HTT: variants seen among roughly 807,000 people sequenced by gnomAD.
The protein encoded by HTT is huntingtin, also known as huntington disease protein.
In HTT, 104 loss-of-function variants were observed where a neutral mutation model predicts 362.3. The observed-to-expected ratio is 0.29, with a 90% confidence interval of 0.24 to 0.34. The LOEUF (loss-of-function observed/expected upper bound fraction) is 0.34, where lower values mean the gene tolerates loss of function less well. HTT is among the 10% of genes least tolerant of loss of function. HTT has a pLI of 1.00. For synonymous variants in HTT, 1,577 were observed against 1,548.7 expected (o/e 1.02, Z -0.43); for missense variants, 3,301 against 3,928.6 (o/e 0.84, Z 4.27).
intron 1 of HTT, among the ~76,000 whole-genome samples, chr4:3,080,786 T>G (rs1268325972): frequency 6.6e-6 from 1 of 152,244 alleles, no homozygotes; most frequent in Admixed American, 6.5e-5. Flanking sequence ...CAGGTAGAAG[T>G]CCAACTTTAT....
chr4:3,201,043 A>T (rs1719508056), intron 41 of HTT, among the ~76,000 whole-genome samples: 1 of 152,246 alleles, frequency 6.6e-6, no homozygotes, highest in Admixed American at 6.5e-5. Flanking sequence ...TGCTTAGATG[A>T]TGAGTGTTTA....
Position 3,214,155 on chromosome 4 carries a change from C to T in HTT, c.6952+20C>T, listed in dbSNP as rs368710938. Reference sequence around the variant, plus strand: ...AGGCCGGTGAGTCCCCGTCCATGAACGGTGGGTTCCTATCATAGTTCCTGT... The same window carrying T: ...AGGCCGGTGAGTCCCCGTCCATGAATGGTGGGTTCCTATCATAGTTCCTGT... On this transcript the variant is annotated intron_variant, in intron 50 of 66. Coordinates refer to ENST00000355072, the MANE Select transcript of HTT (RefSeq NM_001388492.1). 29 of 1,448,864 alleles carry T rather than the reference C, an allele frequency of 2.0e-5. No individual in the cohort carries two copies. The highest frequency in any genetic ancestry group is 1.5e-4 in the South Asian group (10 of 67,836). The allele number at this position is 1,448,864 out of a possible 1,614,324, so 89.8% of individuals were successfully genotyped here.
intron 39 of HTT, 93 bp from the exon 40 acceptor site, chr4:3,188,858 T>C (rs1718888093): frequency 7.9e-7 from 1 of 1,260,562 alleles, no homozygotes; most frequent in South Asian, 1.4e-5. Context: ...ATATTTTTAC[T>C]TTATATTTAC....
intron 60 of HTT, among the ~76,000 whole-genome samples, chr4:3,231,506 A>G (rs192914494): frequency 3.0e-4 from 45 of 152,218 alleles, no homozygotes; most frequent in Admixed American, 9.8e-4. Flanking sequence ...AGGTGAGCAC[A>G]TGTCCGTGAC....
chr4:3,087,669 T>C (rs991468637), intron 2 of HTT, among the ~76,000 whole-genome samples: 3 of 152,220 alleles, frequency 2.0e-5, no homozygotes, highest in East Asian at 3.8e-4. Flanking sequence ...ACCTATGATA[T>C]CTGAATTCTG....
chr4:3,094,713 G>GC (rs1713743903), intron 2 of HTT, among the ~76,000 whole-genome samples: 1 of 127,434 alleles, frequency 7.8e-6, no homozygotes, highest in South Asian at 2.3e-4. Context: ...GGCGGGGGCT[G>GC]CCCCCCACCT....
intron 29 of HTT, among the ~76,000 whole-genome samples, chr4:3,167,162 C>T (rs907418061): frequency 1.3e-5 from 2 of 152,222 alleles, no homozygotes; most frequent in Non-Finnish European, 2.9e-5. Context: ...ACCTTTGCCT[C>T]CTGGTTTCAA....
intron 21 of HTT, among the ~76,000 whole-genome samples, chr4:3,137,161 C>T (rs918564569): frequency 1.3e-5 from 2 of 152,032 alleles, no homozygotes; most frequent in Admixed American, 6.6e-5. Flanking sequence ...CTGCATTGGC[C>T]TCCCAAAGTG....
rs754534599 is a variant in HTT at position 3,229,982 on chromosome 4, C to T, written c.8205C>T (p.Asp2735=). Reference sequence around the variant, plus strand: ...TGCGAAGGGTGCACCCTTCAGAAGACGAGATCCTCGCTCAGTACCTGGTGC... The same window carrying T: ...TGCGAAGGGTGCACCCTTCAGAAGATGAGATCCTCGCTCAGTACCTGGTGC... ...TELRRVHPSE[D]EILAQYLVPA... is the part of the protein sequence containing the mutation. The change falls in exon 60 of 67, where the codon GAC becomes GAT. Residue 2735 remains aspartate (D), a synonymous_variant. Transcript: ENST00000355072. 19 of 1,614,064 alleles carry T rather than the reference C, an allele frequency of 1.2e-5. No individual in the cohort carries two copies. Among genetic ancestry groups the T allele is most frequent in the Admixed American group, 1.0e-4 (6 of 60,032 alleles).
intron 25 of HTT, 106 bp downstream of exon 25, chr4:3,147,054 C>G: frequency 9.3e-7 from 1 of 1,078,630 alleles, no homozygotes; most frequent in East Asian, 2.4e-5. Context: ...AAGGTCATTG[C>G]CAGTGATGGC....
chr4:3,107,255 A>AG, intron 5 of HTT, 30 bp from the exon 6 acceptor site: 1 of 1,605,412 alleles, frequency 6.2e-7, no homozygotes, highest in Non-Finnish European at 8.5e-7. Flanking sequence ...GAGAGCTGGA[A>AG]GAATGACTTG....
chr4:3,145,844 G>A (rs1384301256), intron 24 of HTT, among the ~76,000 whole-genome samples: 1 of 152,138 alleles, frequency 6.6e-6, no homozygotes, highest in African/African-American at 2.4e-5. Context: ...TGCTTGAAGT[G>A]GATTACATTA....
At chr4:3,170,271 T>C (rs1199117010) in intron 29 of HTT, among the ~76,000 whole-genome samples, 1 of 152,232 alleles carries the variant, frequency 6.6e-6, no homozygotes, top group East Asian at 1.9e-4. Flanking sequence ...TCAGATGGGT[T>C]GGAGCAGTGC....
intron 44 of HTT, 46 bp from the exon 45 acceptor site, chr4:3,207,235 G>A: frequency 6.6e-7 from 1 of 1,508,464 alleles, no homozygotes. Flanking sequence ...AGGTTATTTT[G>A]GGTTGTTAGG....
At chr4:3,197,618 C>G (rs1441453843) in intron 40 of HTT, among the ~76,000 whole-genome samples, 1 of 152,122 alleles carries the variant, frequency 6.6e-6, no homozygotes, top group Non-Finnish European at 1.5e-5. Flanking sequence ...TACCTGGGTT[C>G]TCCTGTTTGC....
At position 3,115,321 on chromosome 4, in the gene HTT, C is replaced by T. The variant is rs1458489646; in HGVS notation, c.765C>T (p.Phe255=). ...DNEIKVLLKA[F]IANLKSSSPT... is the part of the protein sequence containing the mutation. ...TTCCGTAGGTTTTGTTAAAGGCCTT[C>T]ATAGCGAACCTGAAGTCAAGCTCCC... The change falls in exon 7 of 67, where the codon TTC becomes TTT. Residue 255 remains phenylalanine, a synonymous_variant. Transcript: ENST00000355072. The T allele has an allele frequency of 6.2e-7, 1 of 1,614,026 alleles. No homozygotes were observed. Among genetic ancestry groups the T allele is most frequent in the Non-Finnish European group, 8.5e-7 (1 of 1,180,020 alleles).
rs1407820858 is a variant in HTT, at chr4:3,212,072, C to T, written c.6558C>T (p.Val2186=). 2.5e-6 allele frequency: 4 copies of T among 1,614,098 alleles called. No homozygotes were observed. The highest frequency in any genetic ancestry group is 3.4e-6 in the Non-Finnish European group (4 of 1,180,034). Residue 2186 remains valine (V), a synonymous_variant, in exon 48 of 67, where the codon GTC becomes GTT. Transcript: ENST00000355072. ...VSGTVQQLPA[V]HHVFQPELPA... ...GCACCGTGCAGCAGCTCCCTGCTGT[C>T]CATCATGTCTTCCAGCCCGAGCTGC...
At chr4:3,212,807 T>G in intron 49 of HTT, 98 bp downstream of exon 49, 3 of 1,263,086 alleles carry the variant, frequency 2.4e-6, no homozygotes, top group Non-Finnish European at 3.4e-6. Context: ...GCAAGATCTC[T>G]GACCAGTCCA....
intron 2 of HTT, among the ~76,000 whole-genome samples, chr4:3,094,666 G>A (rs1713736067): frequency 7.8e-6 from 1 of 128,354 alleles, no homozygotes; most frequent in South Asian, 2.2e-4. Flanking sequence ...GGCCGGGCGG[G>A]GGCTGCCCCC....
Sources: gnomAD v4.1 joint callset for allele counts (sites outside exome capture counted in the v4.1 genomes callset) on GRCh38, gnomAD v4.1.1 for gene constraint, MANE v1.5 for transcripts, NCBI Gene and HGNC (gene_info 2026-07-23, HGNC 2026-07-21) for gene names.